SPOCK1: variants seen among roughly 807,000 people sequenced by gnomAD.
SPOCK1 encodes the protein testican-1.
Under a neutral mutation model 55.3 loss-of-function variants are expected in SPOCK1, and 23 were observed. The observed-to-expected ratio is 0.42, with a 90% CI of 0.30 to 0.59. The LOEUF is 0.59. Ranked by LOEUF, SPOCK1 falls within the 20% of genes least tolerant of loss-of-function variation. The pLI is 0.22. For synonymous variants in SPOCK1, 226 were observed against 221.0 expected, an observed-to-expected ratio of 1.02 and a Z score of -0.20; for missense variants, 499 against 552.5, an observed-to-expected ratio of 0.90 and a Z score of 0.97.
chr5:137,235,476 G>T (rs1756161203), intron 3 of SPOCK1, among the ~76,000 whole-genome samples: 1 of 152,216 alleles, frequency 6.6e-6, no homozygotes, highest in Admixed American at 6.5e-5. Context: ...TAATACCAAT[G>T]ATCACAAGTG....
intron 6 of SPOCK1, among the ~76,000 whole-genome samples, chr5:137,020,975 G>C (rs765302624): frequency 6.6e-6 from 1 of 152,090 alleles, no homozygotes; most frequent in Non-Finnish European, 1.5e-5. Context: ...AACAATGACT[G>C]TGGAATACTA....
At chr5:137,308,615 C>T (rs545059930) in intron 2 of SPOCK1, among the ~76,000 whole-genome samples, 4 of 152,212 alleles carry the variant, frequency 2.6e-5, no homozygotes, top group Admixed American at 6.5e-5. Flanking sequence ...TGCCTCCTCC[C>T]GTGTGACCCC....
At chr5:137,448,549 C>A (rs1753179382) in intron 2 of SPOCK1, among the ~76,000 whole-genome samples, 1 of 152,146 alleles carries the variant, frequency 6.6e-6, no homozygotes, top group Non-Finnish European at 1.5e-5. Context: ...TCAATGATTT[C>A]TTTTCATTAG....
intron 2 of SPOCK1, among the ~76,000 whole-genome samples, chr5:137,292,807 AC>A (rs1294987295): frequency 6.6e-6 from 1 of 152,152 alleles, no homozygotes; most frequent in Admixed American, 6.5e-5. Flanking sequence ...AGGTAATTAA[AC>A]CCATAAATCC....
At chr5:137,169,679 T>A (rs557876574) in intron 3 of SPOCK1, among the ~76,000 whole-genome samples, 31 of 152,280 alleles carry the variant, frequency 2.0e-4, no homozygotes, top group African/African-American at 7.5e-4. Flanking sequence ...CAACTATGTA[T>A]CAGAAAATAC....
chr5:137,026,419 T>A (rs1413572485), intron 6 of SPOCK1, among the ~76,000 whole-genome samples: 1 of 152,194 alleles, frequency 6.6e-6, no homozygotes, highest in Admixed American at 6.5e-5. Flanking sequence ...ACTCGAAGGC[T>A]TTAAAAGACT....
chr5:137,333,459 T>C (rs1425981028), intron 2 of SPOCK1, among the ~76,000 whole-genome samples: 1 of 152,174 alleles, frequency 6.6e-6, no homozygotes, highest in African/African-American at 2.4e-5. Context: ...GAGACCCCCA[T>C]GTTGGCCACC....
chr5:137,341,429 T>C (rs1231648691), intron 2 of SPOCK1, among the ~76,000 whole-genome samples: 1 of 152,234 alleles, frequency 6.6e-6, no homozygotes, highest in Non-Finnish European at 1.5e-5. Context: ...CCAAGGAAGA[T>C]GGCTTAGGCC....
intron 2 of SPOCK1, among the ~76,000 whole-genome samples, chr5:137,348,991 T>C (rs556703966): frequency 1.7e-4 from 26 of 152,260 alleles, no homozygotes; most frequent in Non-Finnish European, 3.4e-4. Flanking sequence ...AAAGATCACA[T>C]TGTTTGACTC....
chr5:137,018,036 G>T (rs150754559), intron 6 of SPOCK1, among the ~76,000 whole-genome samples: 115 of 152,358 alleles, frequency 7.5e-4, no homozygotes, highest in African/African-American at 2.6e-3. Flanking sequence ...TGGAACAGTG[G>T]TTCTCAACCA....
chr5:137,422,710 C>T (rs1392169875), intron 2 of SPOCK1, among the ~76,000 whole-genome samples: 1 of 152,178 alleles, frequency 6.6e-6, no homozygotes, highest in Non-Finnish European at 1.5e-5. Context: ...AGGTTTTTAA[C>T]TTCTTTGCCA....
At chr5:137,346,551 A>G (rs1750561635) in intron 2 of SPOCK1, among the ~76,000 whole-genome samples, 1 of 152,230 alleles carries the variant, frequency 6.6e-6, no homozygotes, top group Admixed American at 6.5e-5. Flanking sequence ...CAGAGGGTGA[A>G]CAGGAGGAAT....
intron 2 of SPOCK1, among the ~76,000 whole-genome samples, chr5:137,470,784 C>A (rs1451244145): frequency 6.6e-6 from 1 of 152,236 alleles, no homozygotes; most frequent in Non-Finnish European, 1.5e-5. Context: ...TGGCTGCCCT[C>A]TCTCCAGTAC....
chr5:137,084,954 CAAAA>C (rs10568473), intron 5 of SPOCK1, among the ~76,000 whole-genome samples: 1 of 114,240 alleles, frequency 8.8e-6, no homozygotes, highest in Non-Finnish European at 1.7e-5. Flanking sequence ...TTATACAAAG[CAAAA>C]AAAAAAAAAA....
In SPOCK1 at chr5:137,232,383, C is replaced by T. The variant is rs144227247; in HGVS notation, c.232+34627G>A. Among the ~76,000 whole-genome samples, 254 of 152,290 alleles carry T rather than the reference C, an allele frequency of 1.7e-3. 12 individuals are homozygous for T. In the East Asian group the frequency reaches 0.04, roughly 24 times the overall value. On this transcript the variant is annotated intron_variant, in intron 3 of 10. Transcript: ENST00000394945. ...TTCTGTCTATGGATGAGGCTTCGGT[C>T]CAGATTCGTTTCTTTGCCTATGAAT...
chr5:137,467,061 C>T (rs1305980472), intron 2 of SPOCK1, among the ~76,000 whole-genome samples: 3 of 152,232 alleles, frequency 2.0e-5, no homozygotes, highest in Non-Finnish European at 4.4e-5. Context: ...TGGCTGGCAA[C>T]TAGAAGTTTC....
At chr5:137,232,839 C>G (rs978864686) in intron 3 of SPOCK1, among the ~76,000 whole-genome samples, 2 of 152,188 alleles carry the variant, frequency 1.3e-5, no homozygotes, top group African/African-American at 4.8e-5. Flanking sequence ...TCTGTTCATT[C>G]AGGTCTTCTT....
At chr5:137,112,985 GCACGGGCAACT>G (rs1753505555) in intron 4 of SPOCK1, among the ~76,000 whole-genome samples, 1 of 152,166 alleles carries the variant, frequency 6.6e-6, no homozygotes, top group Non-Finnish European at 1.5e-5. Flanking sequence ...TGTGGAGGAC[GCACGGGCAACT>G]CAATGAGCGC....
At chr5:137,000,441 C>G in intron 6 of SPOCK1, among the ~76,000 whole-genome samples, 1 of 152,016 alleles carries the variant, frequency 6.6e-6, no homozygotes, top group South Asian at 2.1e-4. Flanking sequence ...CATTCTCAGG[C>G]TGCTGGAAGC....
Sources: allele counts gnomAD v4.1 joint callset (sites outside exome capture counted in the v4.1 genomes callset), GRCh38; gene constraint gnomAD v4.1.1; transcripts MANE v1.5; gene names NCBI Gene and HGNC (gene_info 2026-07-23, HGNC 2026-07-21).